Variants in PTPRM observed in about 807,000 individuals in gnomAD.
The protein encoded by PTPRM is protein tyrosine phosphatase receptor type M.
In PTPRM, 47 loss-of-function variants were observed where a neutral mutation model predicts 186.7. The ratio of observed to expected loss-of-function variants is 0.25; its 90% CI spans 0.20 to 0.32. The LOEUF is 0.32. PTPRM is among the 10% of genes least tolerant of loss of function. PTPRM has a pLI of 1.00. For synonymous variants in PTPRM, 668 were observed against 674.9 expected, an observed-to-expected ratio of 0.99 and a Z score of 0.16; for missense variants, 1,494 against 1,865.0, an observed-to-expected ratio of 0.80 and a Z score of 3.66.
chr18:7,875,186 T>A (rs964406365), intron 2 of PTPRM, among the ~76,000 whole-genome samples: 1 of 151,726 alleles, frequency 6.6e-6, no homozygotes, highest in African/African-American at 2.4e-5. Flanking sequence ...ACAGAACGGG[T>A]CTGTCTCAAG....
At chr18:8,177,710 T>C (rs1281145536) in intron 14 of PTPRM, among the ~76,000 whole-genome samples, 4 of 152,226 alleles carry the variant, frequency 2.6e-5, no homozygotes, top group African/African-American at 9.7e-5. Flanking sequence ...TGAAAGTTTA[T>C]TGAAAAGCTT....
intron 1 of PTPRM, among the ~76,000 whole-genome samples, chr18:7,592,646 T>C (rs1309499815): frequency 6.6e-6 from 1 of 152,228 alleles, no homozygotes. Context: ...CCAGGGGCTA[T>C]TATGAGGTCC....
At chr18:8,235,995 C>T (rs143167518) in intron 14 of PTPRM, among the ~76,000 whole-genome samples, 17 of 152,258 alleles carry the variant, frequency 1.1e-4, no homozygotes, top group Non-Finnish European at 1.5e-4. Context: ...GCTCATGATG[C>T]GGTCTATCTG....
At chr18:7,623,021 G>A (rs2037977749) in intron 1 of PTPRM, among the ~76,000 whole-genome samples, 1 of 151,958 alleles carries the variant, frequency 6.6e-6, no homozygotes, top group Admixed American at 6.6e-5. Flanking sequence ...GTGATTCTGG[G>A]CAGTCAAACT....
At chr18:7,661,213 C>T (rs2038973631) in intron 1 of PTPRM, among the ~76,000 whole-genome samples, 1 of 152,126 alleles carries the variant, frequency 6.6e-6, no homozygotes, top group Admixed American at 6.5e-5. Flanking sequence ...CTTTATTGGT[C>T]TTTCTAACAC....
At position 8,272,549 on chromosome 18, in the gene PTPRM, T is replaced by A. The variant is rs1006511929; in HGVS notation, c.2754+19135T>A. On this transcript the variant is annotated intron_variant, in intron 19 of 32. Transcript: ENST00000580170. Reference sequence around the variant, plus strand: ...ATTTTTAGTTTTTAATATGAATTATTTGACCCATGAATTATTTAGAAGCAT... The same window carrying A: ...ATTTTTAGTTTTTAATATGAATTATATGACCCATGAATTATTTAGAAGCAT... Among the ~76,000 whole-genome samples the A allele has an allele frequency of 1.6e-4, 24 of 152,250 alleles. No homozygotes were observed. The East Asian group carries it at 4.0e-3, about 26-fold the overall frequency.
intron 7 of PTPRM, among the ~76,000 whole-genome samples, chr18:8,010,579 T>A (rs1471931589): frequency 6.6e-6 from 1 of 152,150 alleles, no homozygotes; most frequent in Non-Finnish European, 1.5e-5. Flanking sequence ...AAAATGTTCA[T>A]ATTGTGACTG....
intron 14 of PTPRM, among the ~76,000 whole-genome samples, chr18:8,210,998 A>G (rs1220980626): frequency 1.3e-5 from 2 of 152,256 alleles, no homozygotes; most frequent in African/African-American, 2.4e-5. Flanking sequence ...TGAGGACTAA[A>G]AAGTGACCAT....
At position 8,353,760 on chromosome 18, in the gene PTPRM, A is replaced by G. The variant is rs2095548431; in HGVS notation, c.3054+10240A>G. Among the ~76,000 whole-genome samples, 5 of 152,168 alleles carry G rather than the reference A, an allele frequency of 3.3e-5. No homozygotes were observed. The South Asian group carries it at 1.0e-3, about 32-fold the overall frequency. ...TAATGTGGTGCTTTCCAGGAAGCTC[A>G]AGAGAGAGATGTGAGCTGAAGACAC... On this transcript the variant is annotated intron_variant, in intron 23 of 32. Coordinates refer to ENST00000580170, the MANE Select transcript of PTPRM (RefSeq NM_001105244.2).
chr18:7,951,884 T>C (rs1372235545), intron 6 of PTPRM, among the ~76,000 whole-genome samples: 1 of 152,210 alleles, frequency 6.6e-6, no homozygotes, highest in Admixed American at 6.5e-5. Flanking sequence ...TTTGGAGTGC[T>C]AAATTTTACA....
chr18:7,608,053 C>T (rs16952222), intron 1 of PTPRM, among the ~76,000 whole-genome samples: 17,822 of 152,194 alleles, frequency 0.12, 1,990 homozygotes, highest in East Asian at 0.42. Context: ...AAGCCTTTCA[C>T]TCCCCGGTCA....
At chr18:7,840,901 T>C (rs1043883660) in intron 2 of PTPRM, among the ~76,000 whole-genome samples, 2 of 152,244 alleles carry the variant, frequency 1.3e-5, no homozygotes. Flanking sequence ...AGTTTGGTAG[T>C]GTAAGACAGG....
chr18:7,831,420 C>A (rs2045754988), intron 2 of PTPRM, among the ~76,000 whole-genome samples: 1 of 151,980 alleles, frequency 6.6e-6, no homozygotes, highest in Admixed American at 6.5e-5. Flanking sequence ...AGCAAATCTT[C>A]TGAAGAAAAT....
chr18:7,886,549 G>A (rs1599290746), intron 2 of PTPRM, among the ~76,000 whole-genome samples: 2 of 152,158 alleles, frequency 1.3e-5, no homozygotes, highest in Non-Finnish European at 2.9e-5. Context: ...CTTCACTGCT[G>A]TGAAAGGGTA....
At chr18:7,963,878 C>G (rs1303424987) in intron 7 of PTPRM, among the ~76,000 whole-genome samples, 1 of 152,188 alleles carries the variant, frequency 6.6e-6, no homozygotes, top group Non-Finnish European at 1.5e-5. Flanking sequence ...CCAGCTACAG[C>G]TGTGAGCGTG....
At chr18:8,055,440 T>A (rs958106995) in intron 7 of PTPRM, among the ~76,000 whole-genome samples, 5 of 152,234 alleles carry the variant, frequency 3.3e-5, no homozygotes, top group Non-Finnish European at 7.3e-5. Context: ...ATAATTAATG[T>A]CCTATCCATT....
chr18:7,662,439 G>C (rs1274468907), intron 1 of PTPRM, among the ~76,000 whole-genome samples: 2 of 152,104 alleles, frequency 1.3e-5, no homozygotes, highest in Non-Finnish European at 2.9e-5. Flanking sequence ...AGGTCATTAT[G>C]GTAAGTGAAA....
intron 5 of PTPRM, among the ~76,000 whole-genome samples, chr18:7,938,028 G>A (rs1444183565): frequency 1.3e-5 from 2 of 152,130 alleles, no homozygotes; most frequent in African/African-American, 4.8e-5. Flanking sequence ...TTTTTCCAGG[G>A]AATCCTGGTT....
intron 14 of PTPRM, among the ~76,000 whole-genome samples, chr18:8,227,317 T>G (rs2094225767): frequency 6.6e-6 from 1 of 152,204 alleles, no homozygotes; most frequent in African/African-American, 2.4e-5. Flanking sequence ...TGAAGCAACC[T>G]CTTTTAGTTA....
Sources: gnomAD v4.1 joint callset for allele counts (sites outside exome capture counted in the v4.1 genomes callset) on GRCh38, gnomAD v4.1.1 for gene constraint, MANE v1.5 for transcripts, NCBI Gene and HGNC (gene_info 2026-07-23, HGNC 2026-07-21) for gene names.